The following MTERF4 variants were observed in gnomAD, a reference collection of about 807,000 sequenced individuals.
MTERF4 encodes transcription termination factor 4, mitochondrial.
A neutral mutation model predicts 22.5 loss-of-function variants in MTERF4; 17 were observed. The ratio of observed to expected loss-of-function variants is 0.75; its 90% CI spans 0.52 to 1.13. The LOEUF (loss-of-function observed/expected upper bound fraction) is 1.13, where lower values mean the gene tolerates loss of function less well. Among genes scored for constraint, MTERF4 ranks in the 50% most tolerant of loss-of-function variants. The pLI is 0.00. For synonymous variants in MTERF4, 165 were observed against 175.3 expected, an observed-to-expected ratio of 0.94 and a Z score of 0.47; for missense variants, 420 against 466.8, an observed-to-expected ratio of 0.90 and a Z score of 0.92.
At chr2:241,052,780 G>A in the MTERF4 span, among the ~76,000 whole-genome samples, 7 of 123,606 alleles carry the variant, frequency 5.7e-5, no homozygotes, top group East Asian at 3.9e-4. Flanking sequence ...ATGGGATGCT[G>A]GTGTCAGGCA....
downstream of MTERF4, chr2:241,071,709 C>G: frequency 6.8e-7 from 1 of 1,478,362 alleles, no homozygotes; most frequent in Non-Finnish European, 9.1e-7. Context: ...AGACCCCCAC[C>G]CAGCCCCCCA....
the MTERF4 span, among the ~76,000 whole-genome samples, chr2:241,058,972 T>C: frequency 6.6e-6 from 1 of 151,800 alleles, no homozygotes; most frequent in Admixed American, 6.6e-5. Context: ...ATCATTAACA[T>C]TGATAAACCC....
chr2:241,094,026 A>G (rs1475755877), downstream of MTERF4: 1 of 284,934 alleles, frequency 3.5e-6, no homozygotes, highest in African/African-American at 2.2e-5. This position sits in a 1 kb window ranked among gnomAD's most constrained non-coding sequence, Gnocchi z 4.3. Flanking sequence ...GGGTACAACA[A>G]CAGCCTAGGT....
chr2:241,095,391 G>C (rs1190603791), downstream of MTERF4: 2 of 152,838 alleles, frequency 1.3e-5, no homozygotes, highest in South Asian at 2.1e-4. Context: ...CCAGCATTTT[G>C]CTGGCCTTAA....
chr2:241,089,373 A>T, downstream of MTERF4: 1 of 1,550,734 alleles, frequency 6.4e-7, no homozygotes, highest in Non-Finnish European at 8.7e-7. Flanking sequence ...TGCCTAAAAA[A>T]ATAAAGGAGA....
chr2:241,069,942 G>C, downstream of MTERF4: 1 of 1,612,696 alleles, frequency 6.2e-7, no homozygotes. This position sits in a 1 kb window ranked among gnomAD's most constrained non-coding sequence, Gnocchi z 4.9. Flanking sequence ...CAGCAAACCT[G>C]ACCGCCGCCC....
chr2:241,082,356 TCAC>T (rs2063368466), downstream of MTERF4: 1 of 1,613,090 alleles, frequency 6.2e-7, no homozygotes, highest in East Asian at 2.2e-5. Flanking sequence ...GAGGCGTCTG[TCAC>T]CACGTGTAAG....
chr2:241,053,167 C>A, the MTERF4 span: 6 of 1,610,412 alleles, frequency 3.7e-6, no homozygotes, highest in East Asian at 1.3e-4. Flanking sequence ...GGACTGCGGC[C>A]CCCCGGAGGA....
chr2:241,087,612 G>C (rs2063649854), downstream of MTERF4: 8 of 1,443,356 alleles, frequency 5.5e-6, no homozygotes, highest in East Asian at 1.8e-4. Flanking sequence ...GCAGCCCCTG[G>C]GCAGCCACGT....
At chr2:241,072,462 A>C (rs1301108796) in exon 5 of MTERF4, 5 of 355,076 alleles carry the variant, frequency 1.4e-5, no homozygotes, top group Non-Finnish European at 2.8e-5. Flanking sequence ...CCTGCCCCAG[A>C]GGGGACCTCT....
At chr2:241,087,356 ACTGT>A, downstream of MTERF4, 1 of 1,559,158 alleles carries the variant, frequency 6.4e-7, no homozygotes, top group Non-Finnish European at 8.7e-7. Flanking sequence ...ATTTTGCTTC[ACTGT>A]CTGGTTTTAC....
intron 4 of MTERF4, among the ~76,000 whole-genome samples, chr2:241,079,208 C>A (rs1005734447): frequency 1.6e-4 from 24 of 150,188 alleles, no homozygotes; most frequent in Non-Finnish European, 2.8e-4. Flanking sequence ...TTCAGGAGAT[C>A]GAGACCATCC....
chr2:241,064,994 A>AG, the MTERF4 span: 2 of 1,470,098 alleles, frequency 1.4e-6, no homozygotes, highest in South Asian at 1.3e-5. The surrounding 1 kb of genome is among the most constrained non-coding windows in gnomAD (Gnocchi z 7.0). Context: ...GGGAGCCACG[A>AG]GGGGGTCCCC....
downstream of MTERF4, among the ~76,000 whole-genome samples, chr2:241,085,672 G>T (rs1015416398): frequency 1.3e-5 from 2 of 151,966 alleles, no homozygotes; most frequent in African/African-American, 4.8e-5. Flanking sequence ...GCTGGGCATT[G>T]TAAGTTTTAT....
the MTERF4 span, among the ~76,000 whole-genome samples, chr2:241,061,727 A>C: frequency 6.6e-6 from 1 of 152,078 alleles, no homozygotes; most frequent in Non-Finnish European, 1.5e-5. Flanking sequence ...TCTACTAAAA[A>C]TACAAAAATT....
chr2:241,049,053 A>G, the MTERF4 span: 1 of 1,613,460 alleles, frequency 6.2e-7, no homozygotes, highest in Non-Finnish European at 8.5e-7. Context: ...ACATGAACAC[A>G]CAGTGCCCAG....
chr2:241,071,678 T>C (rs1275957985), downstream of MTERF4: 1 of 1,553,210 alleles, frequency 6.4e-7, no homozygotes, highest in South Asian at 1.2e-5. Context: ...CTGCGCCTGC[T>C]CAATGACCAC....
intron 1 of MTERF4, among the ~76,000 whole-genome samples, chr2:241,100,315 T>C (rs911773777): frequency 6.6e-6 from 1 of 152,232 alleles, no homozygotes; most frequent in Admixed American, 6.5e-5. Context: ...GGGTTTGAAC[T>C]GCTTGGATCC....
intron 4 of MTERF4, among the ~76,000 whole-genome samples, chr2:241,077,748 A>T (rs114221111): frequency 1.2e-4 from 18 of 152,322 alleles, no homozygotes; most frequent in African/African-American, 3.8e-4. Context: ...CACCGAAAAG[A>T]TCCTTGACAT....
Sources: allele counts gnomAD v4.1 joint callset (sites outside exome capture counted in the v4.1 genomes callset), GRCh38; gene constraint gnomAD v4.1.1; non-coding constraint Gnocchi (gnomAD v3.1); transcripts MANE v1.5; gene names NCBI Gene and HGNC (gene_info 2026-07-23, HGNC 2026-07-21).